Variants in RPSA2 observed in about 807,000 individuals in gnomAD.
RPSA2 encodes ribosomal protein SA 2, also known as small ribosomal subunit protein uS2B.
chr19:23,839,600 C>A, the RPSA2 span, among the ~76,000 whole-genome samples: 1 of 152,226 alleles, frequency 6.6e-6, no homozygotes, highest in African/African-American at 2.4e-5. Context: ...CAGAGTCACG[C>A]CTTCCCTGAG....
chr19:23,859,053 C>A, the RPSA2 span, among the ~76,000 whole-genome samples: 5 of 152,188 alleles, frequency 3.3e-5, no homozygotes, highest in Admixed American at 2.0e-4. Context: ...AAACCAACTT[C>A]TTGTGTGTCC....
At chr19:23,804,091 G>A in the RPSA2 span, among the ~76,000 whole-genome samples, 2 of 151,958 alleles carry the variant, frequency 1.3e-5, no homozygotes, top group African/African-American at 4.8e-5. Context: ...AATAAACATT[G>A]CATTAGTACA....
chr19:23,840,058 T>G, the RPSA2 span, among the ~76,000 whole-genome samples: 148,934 of 152,268 alleles, frequency 0.98, 72,929 homozygotes, highest in Middle Eastern at 1. Context: ...GTGGTGATTT[T>G]TTCAGATACT....
chr19:23,824,580 C>CTTT, the RPSA2 span, among the ~76,000 whole-genome samples: 1 of 63,820 alleles, frequency 1.6e-5, no homozygotes, highest in African/African-American at 6.1e-5. Flanking sequence ...TATAGCATTT[C>CTTT]TTTTTTTTTT....
the RPSA2 span, among the ~76,000 whole-genome samples, chr19:23,869,364 T>A: frequency 6.6e-6 from 1 of 152,030 alleles, no homozygotes; most frequent in East Asian, 1.9e-4. Flanking sequence ...ACTTAATAGT[T>A]CTTGGTTCTA....
At chr19:23,866,662 G>T in the RPSA2 span, among the ~76,000 whole-genome samples, 4 of 152,068 alleles carry the variant, frequency 2.6e-5, no homozygotes, top group Non-Finnish European at 1.5e-5. Flanking sequence ...GGCCCCTCAA[G>T]CCATGAGGGC....
chr19:23,798,590 C>T, the RPSA2 span, among the ~76,000 whole-genome samples: 3,327 of 151,912 alleles, frequency 0.022, 130 homozygotes, highest in African/African-American at 0.077. Flanking sequence ...AATTGAAATA[C>T]AGTTACAGAA....
At chr19:23,814,395 G>T in the RPSA2 span, among the ~76,000 whole-genome samples, 1 of 152,090 alleles carries the variant, frequency 6.6e-6, no homozygotes, top group African/African-American at 2.4e-5. Flanking sequence ...TTTTGTGGGA[G>T]ATTATTTGGC....
chr19:23,804,252 A>G, the RPSA2 span, among the ~76,000 whole-genome samples: 4 of 152,010 alleles, frequency 2.6e-5, no homozygotes, highest in African/African-American at 9.7e-5. Context: ...TGTTGTGACA[A>G]GACTGCTGAA....
chr19:23,793,364 CT>C, the RPSA2 span, among the ~76,000 whole-genome samples: 195 of 148,412 alleles, frequency 1.3e-3, no homozygotes, highest in Middle Eastern at 3.5e-3. Context: ...GGGGTTATAT[CT>C]TTTTTTTTTT....
chr19:23,864,789 T>C, the RPSA2 span, among the ~76,000 whole-genome samples: 1 of 152,120 alleles, frequency 6.6e-6, no homozygotes, highest in Non-Finnish European at 1.5e-5. Flanking sequence ...GTAGAGTAAA[T>C]TAAGATTTAA....
chr19:23,868,835 C>A, the RPSA2 span, among the ~76,000 whole-genome samples: 1 of 152,248 alleles, frequency 6.6e-6, no homozygotes, highest in East Asian at 1.9e-4. Context: ...GGTGGCCAAC[C>A]ATGGGCCCGG....
the RPSA2 span, among the ~76,000 whole-genome samples, chr19:23,803,956 C>T: frequency 1.3e-5 from 2 of 152,004 alleles, no homozygotes; most frequent in Admixed American, 6.5e-5. Context: ...AATAAAAATG[C>T]TGGGTTCTTA....
At chr19:23,793,181 T>C in the RPSA2 span, among the ~76,000 whole-genome samples, 1 of 148,494 alleles carries the variant, frequency 6.7e-6, no homozygotes, top group Non-Finnish European at 1.5e-5. Flanking sequence ...AACAGCACCA[T>C]TTCAGTCATA....
chr19:23,833,121 T>C, the RPSA2 span: 3 of 1,231,564 alleles, frequency 2.4e-6, no homozygotes, highest in Non-Finnish European at 3.1e-6. Flanking sequence ...AGGTAATTCT[T>C]ACTGGTTTAA....
the RPSA2 span, among the ~76,000 whole-genome samples, chr19:23,866,650 C>T: frequency 6.1e-4 from 93 of 152,118 alleles, no homozygotes; most frequent in African/African-American, 2.2e-3. Flanking sequence ...GGCCTGGACC[C>T]AGGCCCCTCA....
chr19:23,852,629 G>T, the RPSA2 span, among the ~76,000 whole-genome samples: 1 of 152,176 alleles, frequency 6.6e-6, no homozygotes, highest in Non-Finnish European at 1.5e-5. Context: ...TTCCGCCTGG[G>T]TGGGCCAGGT....
At chr19:23,801,216 T>C in the RPSA2 span, among the ~76,000 whole-genome samples, 2 of 152,278 alleles carry the variant, frequency 1.3e-5, no homozygotes, top group Non-Finnish European at 2.9e-5. Flanking sequence ...AAAAGTTTCA[T>C]TTGAGAAATG....
chr19:23,832,527 T>C, the RPSA2 span: 1 of 680,664 alleles, frequency 1.5e-6, no homozygotes, highest in Admixed American at 3.0e-5. Context: ...ATATATAAGA[T>C]AATTCATACT....
Sources: allele counts gnomAD v4.1 joint callset (sites outside exome capture counted in the v4.1 genomes callset), GRCh38; gene constraint gnomAD v4.1.1; transcripts MANE v1.5; gene names NCBI Gene and HGNC (gene_info 2026-07-23, HGNC 2026-07-21).